The following TAMM41 variants were observed in gnomAD, a reference collection of about 807,000 sequenced individuals.
TAMM41 encodes phosphatidate cytidylyltransferase, mitochondrial.
Under a neutral mutation model 44.1 loss-of-function variants are expected in TAMM41, and 36 were observed. The ratio of observed to expected loss-of-function variants is 0.82; its 90% CI spans 0.63 to 1.08. The LOEUF is 1.08. Among genes scored for constraint, TAMM41 ranks in the 50% least tolerant of loss-of-function variants. The pLI is 0.00. For missense variants in TAMM41, 417 were observed against 404.3 expected (o/e 1.03, Z -0.27); for synonymous variants, 164 against 153.1 (o/e 1.07, Z -0.53).
intron 7 of TAMM41, chr3:11,807,355 A>G (rs1188128279): frequency 1.4e-6 from 2 of 1,478,226 alleles, no homozygotes; most frequent in African/African-American, 2.8e-5. Context: ...CCTCCCATAG[A>G]GAGAAGTCAA....
At chr3:11,747,360 C>A in the TAMM41 span, among the ~76,000 whole-genome samples, 2 of 152,168 alleles carry the variant, frequency 1.3e-5, no homozygotes, top group Non-Finnish European at 2.9e-5. Flanking sequence ...CCATGCCCGG[C>A]CAGTGTGATG....
the TAMM41 span, among the ~76,000 whole-genome samples, chr3:11,770,983 T>G: frequency 6.6e-6 from 1 of 152,054 alleles, no homozygotes; most frequent in Non-Finnish European, 1.5e-5. Context: ...TGCCCAGACC[T>G]GCTCTCCGCA....
At chr3:11,813,828 ATGTGTGTGTGTG>A (rs143683206) in intron 5 of TAMM41, among the ~76,000 whole-genome samples, 17 of 143,106 alleles carry the variant, frequency 1.2e-4, no homozygotes, top group Admixed American at 1.4e-4. Context: ...GTACAAATAT[ATGTGTGTGTGTG>A]TGTGTGTGTG....
At position 11,844,071 on chromosome 3, in the gene TAMM41, G is replaced by A. The variant is rs373670153; in HGVS notation, c.276C>T (p.Gly92=). The change falls in exon 2 of 8, where the codon GGC becomes GGT. Residue 92 remains glycine (G), a synonymous_variant. Transcript: ENST00000455809. ...KIITSIQNNY[G]AGVYYNSLIM... is the part of the protein sequence containing the mutation. ...TCAATGAATTGTAGTAAACTCCAGC[G>A]CCATAGTTATTCTGGATGGACGTGA... The A allele has an allele frequency of 3.8e-5, 62 of 1,614,010 alleles. No homozygotes were observed. The highest frequency in any genetic ancestry group is 1.3e-4 in the South Asian group (12 of 91,086).
chr3:11,768,317 T>G, the TAMM41 span, among the ~76,000 whole-genome samples: 1 of 151,988 alleles, frequency 6.6e-6, no homozygotes, highest in African/African-American at 2.4e-5. Flanking sequence ...TAAAAATTAT[T>G]TGTAGAGATG....
the TAMM41 span, among the ~76,000 whole-genome samples, chr3:11,784,949 C>A: frequency 6.6e-6 from 1 of 151,896 alleles, no homozygotes; most frequent in East Asian, 2.0e-4. Context: ...ACTACAGGTG[C>A]CCGCCACCAC....
downstream of TAMM41, among the ~76,000 whole-genome samples, chr3:11,785,482 T>G (rs1005109110): frequency 5.3e-5 from 8 of 152,068 alleles, no homozygotes; most frequent in African/African-American, 1.9e-4. Context: ...CCCCCTACCA[T>G]GCCCAGCTAA....
At chr3:11,770,581 G>T in the TAMM41 span, among the ~76,000 whole-genome samples, 1 of 152,184 alleles carries the variant, frequency 6.6e-6, no homozygotes. Flanking sequence ...TCAACTCAGG[G>T]TAGTAACACT....
In TAMM41 at chr3:11,807,837, A is replaced by T. The variant is rs778376880; in HGVS notation, c.933T>A (p.Thr311=). 78 of 1,536,100 alleles carry T rather than the reference A, an allele frequency of 5.1e-5. No homozygotes were observed. The highest frequency in any genetic ancestry group is 6.7e-5 in the Non-Finnish European group (77 of 1,146,936). The change falls in exon 7 of 8, where the codon ACT becomes ACA. Residue 311 remains threonine (T), a synonymous_variant. Transcript: ENST00000455809. ...ACGGATTTCCAAAGCTCTTACCAGCAGTAAAAATGCCTTTCGTGCTCTGTC... is the reference window on the plus strand; with the variant it reads ...ACGGATTTCCAAAGCTCTTACCAGCTGTAAAAATGCCTTTCGTGCTCTGTC... ...SIRQSTKGIF[T]AGLKKSVIYS...
chr3:11,842,846 G>A (rs1317277668), intron 2 of TAMM41, among the ~76,000 whole-genome samples: 1 of 152,172 alleles, frequency 6.6e-6, no homozygotes. Context: ...GGCACAGCAA[G>A]TGAAACCCAT....
chr3:11,723,580 CAAAAA>C, the TAMM41 span, among the ~76,000 whole-genome samples: 6 of 97,246 alleles, frequency 6.2e-5, no homozygotes, highest in African/African-American at 2.2e-4. Flanking sequence ...GACCCTGTCT[CAAAAA>C]AAAAAAAAAA....
intron 4 of TAMM41, among the ~76,000 whole-genome samples, chr3:11,820,582 C>G (rs1575663965): frequency 6.6e-6 from 1 of 152,306 alleles, no homozygotes; most frequent in South Asian, 2.1e-4. Context: ...AACTGAATTT[C>G]TCTCACTGGT....
At chr3:11,787,717 A>G (rs760144343), downstream of TAMM41, among the ~76,000 whole-genome samples, 1 of 152,230 alleles carries the variant, frequency 6.6e-6, no homozygotes, top group Non-Finnish European at 1.5e-5. Flanking sequence ...ACAGATGGGT[A>G]TAAGAATACC....
At chr3:11,835,523 T>A (rs1232963551) in intron 3 of TAMM41, among the ~76,000 whole-genome samples, 1 of 152,218 alleles carries the variant, frequency 6.6e-6, no homozygotes, top group Admixed American at 6.5e-5. Flanking sequence ...GTGCTACTAC[T>A]TGTCTTGAAT....
chr3:11,743,803 G>A, the TAMM41 span, among the ~76,000 whole-genome samples: 1 of 152,020 alleles, frequency 6.6e-6, no homozygotes, highest in Non-Finnish European at 1.5e-5. Flanking sequence ...GGTACCTTAG[G>A]GCATCAGGTG....
chr3:11,768,956 A>G, the TAMM41 span, among the ~76,000 whole-genome samples: 1 of 152,336 alleles, frequency 6.6e-6, no homozygotes, highest in East Asian at 1.9e-4. Flanking sequence ...ACAGATGGTG[A>G]AAGGAGAAGG....
At chr3:11,726,800 C>CAAAAAAAAAAAAA in the TAMM41 span, among the ~76,000 whole-genome samples, 3 of 93,092 alleles carry the variant, frequency 3.2e-5, no homozygotes, top group Admixed American at 2.2e-4. Context: ...GACTCTGTCT[C>CAAAAAAAAAAAAA]AAAAAAAAAA....
the TAMM41 span, among the ~76,000 whole-genome samples, chr3:11,746,258 C>T: frequency 1.3e-5 from 2 of 148,842 alleles, no homozygotes; most frequent in Non-Finnish European, 3.0e-5. Flanking sequence ...GAGCCGAGAT[C>T]GCACCACTGC....
the TAMM41 span, among the ~76,000 whole-genome samples, chr3:11,740,424 G>T: frequency 2.6e-5 from 4 of 152,004 alleles, no homozygotes; most frequent in African/African-American, 7.2e-5. Context: ...CACAACTCTG[G>T]TGCAACATCA....
Sources: gnomAD v4.1 joint callset for allele counts (sites outside exome capture counted in the v4.1 genomes callset) on GRCh38, gnomAD v4.1.1 for gene constraint, MANE v1.5 for transcripts, NCBI Gene and HGNC (gene_info 2026-07-23, HGNC 2026-07-21) for gene names.